BBX: variants seen among roughly 807,000 people sequenced by gnomAD.
The protein encoded by BBX is HMG box transcription factor BBX.
In BBX, 30 loss-of-function variants were observed where a neutral mutation model predicts 100.2. The ratio of observed to expected loss-of-function variants is 0.30; its 90% CI spans 0.22 to 0.41. BBX has a LOEUF of 0.41. Among genes scored for constraint, BBX ranks in the 10% least tolerant of loss-of-function variants. The pLI is 1.00. For synonymous variants in BBX, 376 were observed against 388.1 expected, an observed-to-expected ratio of 0.97 and a Z score of 0.37; for missense variants, 1,023 against 1,129.8, an observed-to-expected ratio of 0.91 and a Z score of 1.35.
chr3:107,627,720 G>A (rs1480678034), intron 2 of BBX, among the ~76,000 whole-genome samples: 1 of 151,542 alleles, frequency 6.6e-6, no homozygotes, highest in Admixed American at 6.6e-5. Context: ...TAGTGATATA[G>A]GTATGGTTTC....
At chr3:107,697,902 C>T (rs146207844) in intron 3 of BBX, among the ~76,000 whole-genome samples, 71 of 152,048 alleles carry the variant, frequency 4.7e-4, no homozygotes, top group African/African-American at 1.4e-3. Flanking sequence ...TCTGCTGCTG[C>T]GCCATTTTTT....
intron 9 of BBX, 133 bp from the exon 10 acceptor site, chr3:107,755,465 C>T: frequency 1.5e-6 from 1 of 680,140 alleles, no homozygotes. Context: ...CCAAATGTGA[C>T]ATGTTTTGTT....
chr3:107,575,892 C>G (rs2051736464), intron 2 of BBX, among the ~76,000 whole-genome samples: 1 of 152,016 alleles, frequency 6.6e-6, no homozygotes, highest in Non-Finnish European at 1.5e-5. Flanking sequence ...GTGTTGAGGC[C>G]AGGCGTGGTG....
At chr3:107,576,916 A>T (rs893759875) in intron 2 of BBX, among the ~76,000 whole-genome samples, 1 of 152,018 alleles carries the variant, frequency 6.6e-6, no homozygotes, top group Admixed American at 6.6e-5. Context: ...GCTGTAGTGC[A>T]TTGGGGCGAT....
At chr3:107,629,395 G>T (rs1177628954) in intron 2 of BBX, among the ~76,000 whole-genome samples, 1 of 152,186 alleles carries the variant, frequency 6.6e-6, no homozygotes, top group Non-Finnish European at 1.5e-5. Flanking sequence ...GATGAATTAT[G>T]AGAGAAAGCT....
rs181594990 is a variant in BBX, at chr3:107,724,046, A to G, written c.406-4719A>G. ...CCACCAACAGTGTAAAAGTGTTCCT[A>G]TTTCTCCATATCCTATCCAGCACCT... On this transcript the variant is annotated intron_variant, in intron 5 of 17. Coordinates refer to ENST00000325805, the MANE Select transcript of BBX (RefSeq NM_001142568.3). Among the ~76,000 whole-genome samples the G allele has an allele frequency of 7.8e-3, 1,182 of 152,182 alleles. 12 individuals carry two copies. Among genetic ancestry groups the G allele is most frequent in the Admixed American group, 0.014 (217 of 15,274 alleles).
intron 13 of BBX, among the ~76,000 whole-genome samples, chr3:107,786,297 T>C (rs2068417134): frequency 6.6e-6 from 1 of 152,128 alleles, no homozygotes; most frequent in Non-Finnish European, 1.5e-5. Flanking sequence ...CTGACTTCTT[T>C]GTAGAAATTG....
intron 3 of BBX, among the ~76,000 whole-genome samples, chr3:107,668,844 C>A (rs1381351160): frequency 6.6e-6 from 1 of 152,098 alleles, no homozygotes; most frequent in Non-Finnish European, 1.5e-5. Flanking sequence ...AGTTTTCACG[C>A]AAAGGTTCTG....
chr3:107,614,305 A>G (rs1200277579), intron 2 of BBX, among the ~76,000 whole-genome samples: 3 of 152,128 alleles, frequency 2.0e-5, no homozygotes, highest in Non-Finnish European at 2.9e-5. Flanking sequence ...TTGTATATAT[A>G]TGAATACTTT....
intron 10 of BBX, among the ~76,000 whole-genome samples, chr3:107,759,648 C>T (rs903893667): frequency 6.6e-6 from 1 of 152,154 alleles, no homozygotes. Flanking sequence ...CATTTATTCT[C>T]ACAGTAGTTA....
chr3:107,553,974 G>T (rs973930381), intron 2 of BBX, among the ~76,000 whole-genome samples: 2 of 152,052 alleles, frequency 1.3e-5, no homozygotes, highest in African/African-American at 4.8e-5. Flanking sequence ...CTCCAGATAA[G>T]CAGTTAATTA....
At chr3:107,626,345 A>G (rs1325312382) in intron 2 of BBX, among the ~76,000 whole-genome samples, 2 of 152,256 alleles carry the variant, frequency 1.3e-5, no homozygotes, top group Admixed American at 6.5e-5. Context: ...TAAAATAAAA[A>G]TAGTTGTAGT....
In BBX at chr3:107,809,033, CT is replaced by C. The variant is rs1418552219; in HGVS notation, c.*3580del. On this transcript the variant is annotated 3_prime_UTR_variant, in exon 18 of 18. Transcript: ENST00000325805. ...ATTTAGAATCCAATGTGTTCAAATCCTTTTGTTTTCTTATTAAGTCAGATGC... is the reference window on the plus strand; with the variant it reads ...ATTTAGAATCCAATGTGTTCAAATCCTTTGTTTTCTTATTAAGTCAGATGC... The C allele has an allele frequency of 6.6e-6, 1 of 152,150 alleles. No individual in the cohort carries two copies. The highest frequency in any genetic ancestry group is 2.4e-5 in the African/African-American group (1 of 41,434). 9.4% of individuals were successfully genotyped at this position (152,150 alleles called of 1,614,324 possible). A position where few individuals can be genotyped will look rare whatever the true frequency, so the allele number is the denominator to read the frequency against.
chr3:107,660,889 A>G (rs2058411626), intron 3 of BBX, among the ~76,000 whole-genome samples: 1 of 152,160 alleles, frequency 6.6e-6, no homozygotes, highest in Admixed American at 6.5e-5. Flanking sequence ...TGTAGACTTT[A>G]GGTGAGACAT....
chr3:107,534,346 G>A (rs1207695899), intron 2 of BBX, among the ~76,000 whole-genome samples: 1 of 152,172 alleles, frequency 6.6e-6, no homozygotes, highest in Non-Finnish European at 1.5e-5. Flanking sequence ...GGAATGTGGT[G>A]GAGCATGGAA....
At chr3:107,715,767 A>G (rs1267678656) in intron 4 of BBX, among the ~76,000 whole-genome samples, 2 of 152,252 alleles carry the variant, frequency 1.3e-5, no homozygotes, top group African/African-American at 4.8e-5. Flanking sequence ...AGTGGGAATG[A>G]GAATCACCCA....
chr3:107,583,379 A>G (rs1274573095), intron 2 of BBX, among the ~76,000 whole-genome samples: 1 of 152,032 alleles, frequency 6.6e-6, no homozygotes, highest in African/African-American at 2.4e-5. Flanking sequence ...TACCAGTGGC[A>G]CAAGATAAAA....
At chr3:107,787,631 A>G (rs191932153) in intron 13 of BBX, among the ~76,000 whole-genome samples, 51 of 152,308 alleles carry the variant, frequency 3.3e-4, no homozygotes, top group Middle Eastern at 6.8e-3. Context: ...ATTGTATGGT[A>G]TGTTAATTAT....
At chr3:107,691,914 T>C (rs1157317728) in intron 3 of BBX, among the ~76,000 whole-genome samples, 1 of 152,154 alleles carries the variant, frequency 6.6e-6, no homozygotes, top group African/African-American at 2.4e-5. Context: ...TACGTATTCT[T>C]TTTTTGCTTT....
Sources: allele counts gnomAD v4.1 joint callset (sites outside exome capture counted in the v4.1 genomes callset), GRCh38; gene constraint gnomAD v4.1.1; transcripts MANE v1.5; gene names NCBI Gene and HGNC (gene_info 2026-07-23, HGNC 2026-07-21).